PKIA: variants seen among roughly 807,000 people sequenced by gnomAD.
The protein encoded by PKIA is cAMP-dependent protein kinase inhibitor alpha.
A neutral mutation model predicts 7.6 loss-of-function variants in PKIA; 4 were observed. The observed-to-expected ratio is 0.52, with a 90% CI of 0.26 to 1.20. The LOEUF is 1.20. PKIA is among the 50% of genes most tolerant of loss of function. The pLI is 0.13. For synonymous variants in PKIA, 21 were observed against 30.7 expected (o/e 0.68, Z 1.04); for missense variants, 73 against 86.2 (o/e 0.85, Z 0.61).
rs772601567 is a variant in PKIA, at chr8:78,601,818, C to A, written c.228C>A (p.Ser76Arg). Residue 76 changes from serine to arginine, a missense_variant, in exon 4 of 4, where the codon AGC becomes AGA. Ser to Arg is a moderately radical substitution (Grantham distance 110). Coordinates refer to ENST00000396418, the MANE Select transcript of PKIA (RefSeq NM_006823.4). The stretch of plus-strand genomic sequence containing the variant: ...AGGGAGAAGCAGCAAAATCTGAAAG[C>A]TAACACCCCACTTTGACCCTCGACC... ...EAQGEAAKSE[S>R] The A allele has an allele frequency of 6.2e-7, 1 of 1,609,792 alleles. No homozygotes were observed.
intron 1 of PKIA, among the ~76,000 whole-genome samples, chr8:78,548,876 T>C (rs993834532): frequency 2.0e-5 from 3 of 152,096 alleles, no homozygotes; most frequent in African/African-American, 7.2e-5. Flanking sequence ...TAAAATATCA[T>C]ACTATCATAC....
At chr8:78,601,706 T>C (rs775426029) in intron 3 of PKIA, 36 bp from the exon 4 acceptor site, 2 of 1,488,506 alleles carry the variant, frequency 1.3e-6, no homozygotes, top group Admixed American at 3.5e-5. Context: ...ATCATTTTTA[T>C]TTTGCCTTTA....
At chr8:78,556,541 G>A (rs1563578033) in intron 1 of PKIA, 1 of 152,076 alleles carries the variant, frequency 6.6e-6, no homozygotes, top group Non-Finnish European at 1.5e-5. Flanking sequence ...TGATGACGAT[G>A]AATATGAATA....
chr8:78,542,679 A>T (rs1563573090), intron 1 of PKIA, among the ~76,000 whole-genome samples: 1 of 151,904 alleles, frequency 6.6e-6, no homozygotes, highest in South Asian at 2.1e-4. Context: ...AATAGTGACA[A>T]TTTTTTTTAA....
chr8:78,583,924 AG>A (rs756169097), intron 2 of PKIA, among the ~76,000 whole-genome samples: 70 of 152,128 alleles, frequency 4.6e-4, no homozygotes, highest in Non-Finnish European at 8.8e-4. Context: ...TTGAAGTCCC[AG>A]AATGATTTCT....
At chr8:78,527,068 G>A (rs1173543976) in intron 1 of PKIA, among the ~76,000 whole-genome samples, 1 of 152,012 alleles carries the variant, frequency 6.6e-6, no homozygotes. Flanking sequence ...AGCCAAATTT[G>A]TGATAATTTA....
intron 1 of PKIA, among the ~76,000 whole-genome samples, chr8:78,540,352 T>C (rs149609349): frequency 6.6e-6 from 1 of 152,156 alleles, no homozygotes; most frequent in Non-Finnish European, 1.5e-5. Flanking sequence ...CAAATAGACA[T>C]AAATATATAT....
chr8:78,580,800 T>C (rs897985604), intron 2 of PKIA, among the ~76,000 whole-genome samples: 1 of 152,016 alleles, frequency 6.6e-6, no homozygotes, highest in African/African-American at 2.4e-5. Context: ...AGTTGAAGTA[T>C]GATATAGGCA....
At chr8:78,525,720 A>G (rs1016878692) in intron 1 of PKIA, among the ~76,000 whole-genome samples, 1 of 152,034 alleles carries the variant, frequency 6.6e-6, no homozygotes, top group African/African-American at 2.4e-5. Context: ...ATCATTTTCA[A>G]GTTCAATCAA....
At chr8:78,568,304 C>T (rs1807465774) in intron 1 of PKIA, among the ~76,000 whole-genome samples, 1 of 152,154 alleles carries the variant, frequency 6.6e-6, no homozygotes. Flanking sequence ...CAACAGAACA[C>T]TTGACTTCTG....
chr8:78,602,152 A>G lies in PKIA; in HGVS notation c.*331A>G, dbSNP rs914590294. 2 of 237,858 alleles carry G rather than the reference A, an allele frequency of 8.4e-6. No individual in the cohort carries two copies. The highest frequency in any genetic ancestry group is 4.6e-5 in the African/African-American group (2 of 43,620). The allele number at this position is 237,858 out of a possible 1,614,324, so 14.7% of individuals were successfully genotyped here. On this transcript the variant is annotated 3_prime_UTR_variant, in exon 4 of 4. Coordinates refer to ENST00000396418, the MANE Select transcript of PKIA (RefSeq NM_006823.4). ...TTCTTCCTGTAGCATCTGGCCCCTC[A>G]CAATGTCAGAGGATTTAATTGTGTC...
At chr8:78,524,625 C>T (rs945404388) in intron 1 of PKIA, among the ~76,000 whole-genome samples, 15 of 151,952 alleles carry the variant, frequency 9.9e-5, no homozygotes, top group African/African-American at 2.7e-4. Context: ...GGCTAAGATA[C>T]AGCTGGTGAT....
chr8:78,541,245 A>G (rs1585880468), intron 1 of PKIA, among the ~76,000 whole-genome samples: 2 of 152,136 alleles, frequency 1.3e-5, no homozygotes, highest in East Asian at 3.8e-4. Context: ...AGTATTATCC[A>G]CATTTTACAA....
chr8:78,593,091 A>G (rs999652509), intron 2 of PKIA, among the ~76,000 whole-genome samples: 1 of 152,166 alleles, frequency 6.6e-6, no homozygotes, highest in African/African-American at 2.4e-5. Context: ...CATTGTTATC[A>G]GATGAGAAAT....
intron 2 of PKIA, among the ~76,000 whole-genome samples, chr8:78,591,935 T>G (rs1808107559): frequency 6.6e-6 from 1 of 152,174 alleles, no homozygotes; most frequent in Non-Finnish European, 1.5e-5. Flanking sequence ...CTGCTGACAT[T>G]TATTTGACTC....
In PKIA at chr8:78,524,217, CATTTAT is replaced by C. The variant is rs1471160706; in HGVS notation, c.-157+7758_-157+7763del. 6.9e-3 allele frequency among the ~76,000 whole-genome samples: 882 copies of C among 127,266 alleles called. 19 individuals carry two copies. Among genetic ancestry groups the C allele is most frequent in the African/African-American group, 0.028 (846 of 30,250 alleles). The allele number at this position is 127,266 out of a possible 152,430, so 83.5% of individuals were successfully genotyped here. A position where few individuals can be genotyped will look rare whatever the true frequency, so the allele number is the denominator to read the frequency against. The stretch of plus-strand genomic sequence containing the variant: ...ACATTTATATTTATATATATATAAA[CATTTAT>C]ATTTATATATAAATATATATGTTTT... On this transcript the variant is annotated intron_variant, in intron 1 of 3. Coordinates refer to ENST00000396418, the MANE Select transcript of PKIA (RefSeq NM_006823.4).
chr8:78,589,702 A>AT (rs1052534221), intron 2 of PKIA, among the ~76,000 whole-genome samples: 1 of 152,140 alleles, frequency 6.6e-6, no homozygotes, highest in Non-Finnish European at 1.5e-5. Context: ...CACAATTAGT[A>AT]TTTTTTTAGT....
intron 2 of PKIA, among the ~76,000 whole-genome samples, chr8:78,592,061 AAT>A (rs1413082180): frequency 2.6e-5 from 4 of 152,092 alleles, no homozygotes; most frequent in Admixed American, 2.0e-4. Flanking sequence ...CTTGATGTAA[AAT>A]ATATTTATCT....
At chr8:78,519,535 T>A (rs1809377089) in intron 1 of PKIA, among the ~76,000 whole-genome samples, 1 of 152,226 alleles carries the variant, frequency 6.6e-6, no homozygotes, top group Admixed American at 6.5e-5. Flanking sequence ...ATGTCATTTC[T>A]ATTCAACCAG....
Sources: allele counts gnomAD v4.1 joint callset (sites outside exome capture counted in the v4.1 genomes callset), GRCh38; gene constraint gnomAD v4.1.1; transcripts MANE v1.5; gene names NCBI Gene and HGNC (gene_info 2026-07-23, HGNC 2026-07-21).